PANK2: variants seen among roughly 807,000 people sequenced by gnomAD.
PANK2 encodes pantothenate kinase 2, mitochondrial.
Under a neutral mutation model 43.1 loss-of-function variants are expected in PANK2, and 36 were observed. That is an observed-to-expected ratio of 0.84 (90% CI 0.64 to 1.10). The LOEUF (loss-of-function observed/expected upper bound fraction) is 1.10. PANK2 is among the 50% of genes least tolerant of loss of function. PANK2 has a pLI of 0.00. For synonymous variants in PANK2, 281 were observed against 238.2 expected, an observed-to-expected ratio of 1.18 and a Z score of -1.66; for missense variants, 576 against 593.3, an observed-to-expected ratio of 0.97 and a Z score of 0.30.
rs2090775706 is a variant in PANK2, at chr20:3,928,967, G to C, written c.*5673G>C. 1.3e-5 allele frequency: 2 copies of C among 151,770 alleles called. No individual in the cohort carries two copies. The highest frequency in any genetic ancestry group is 4.8e-5 in the African/African-American group (2 of 41,394). The allele number at this position is 151,770 out of a possible 1,614,324, so 9.4% of individuals were successfully genotyped here. On this transcript the variant is annotated 3_prime_UTR_variant, in exon 7 of 7. Coordinates refer to ENST00000610179, the MANE Select transcript of PANK2 (RefSeq NM_001386393.1). ...GGGTTCAATCAATTCTCCTGTCCCA[G>C]CCTCCTGAGTGGCTGGGATTACAGG...
chr20:3,913,790 ATTT>A (rs57042549), intron 4 of PANK2, among the ~76,000 whole-genome samples: 129 of 138,478 alleles, frequency 9.3e-4, no homozygotes, highest in Admixed American at 2.0e-3. Flanking sequence ...ATATATATAT[ATTT>A]TTTTTTTTTT....
chr20:3,928,778 A>AC lies in PANK2; in HGVS notation c.*5484_*5485insC. 6.9e-6 allele frequency: 1 copy of AC among 145,960 alleles called. No individual in the cohort carries two copies. The highest frequency in any genetic ancestry group is 2.2e-4 in the South Asian group (1 of 4,608). 9.0% of individuals were successfully genotyped at this position (145,960 alleles called of 1,614,324 possible). On this transcript the variant is annotated 3_prime_UTR_variant, in exon 7 of 7. Coordinates refer to ENST00000610179, the MANE Select transcript of PANK2 (RefSeq NM_001386393.1). ...AAAAAAAAAAAAAAAAAAAAAAAAA[A>AC]ATTGTTGGGGTAATTTCTGTTGTCA...
chr20:3,910,681 C>T lies in PANK2; in HGVS notation c.756C>T (p.Tyr252=). Residue 252 remains tyrosine, a synonymous_variant, in exon 3 of 7, where the codon TAC becomes TAT. Transcript: ENST00000610179. ...TCAATGGACGGTCACAGTGCTATTACTTTGAAAACCCTGCTGATTCTGAAA... is the reference window on the plus strand; with the variant it reads ...TCAATGGACGGTCACAGTGCTATTATTTTGAAAACCCTGCTGATTCTGAAA... 6.2e-7 allele frequency: 1 copy of T among 1,614,150 alleles called. No homozygotes were observed.
intron 2 of PANK2, among the ~76,000 whole-genome samples, chr20:3,909,892 G>A (rs1200863818): frequency 3.3e-5 from 5 of 152,110 alleles, no homozygotes; most frequent in East Asian, 1.9e-4. Flanking sequence ...GTGCCCGGCC[G>A]ATCCTCTTCA....
chr20:3,889,136 TTGGGCGGCGCCGCCATCACTCTCTTC>T (rs760822872), upstream of PANK2: 75 of 1,563,938 alleles, frequency 4.8e-5, 1 homozygote, highest in Non-Finnish European at 5.9e-5. Flanking sequence ...CACGCGTCCA[TTGGGCGGCGCCGCCATCACTCTCTTC>T]TGGGCTACAC....
chr20:3,909,871 C>T (rs560186628), intron 2 of PANK2, among the ~76,000 whole-genome samples: 1 of 151,634 alleles, frequency 6.6e-6, no homozygotes, highest in East Asian at 1.9e-4. Flanking sequence ...GGATTATAGG[C>T]GTGAGCCACC....
At position 3,889,681 on chromosome 20, in the gene PANK2, C is replaced by T; in HGVS notation, c.251C>T (p.Thr84Ile). 1.3e-6 allele frequency: 2 copies of T among 1,593,668 alleles called. No individual in the cohort carries two copies. The highest frequency in any genetic ancestry group is 1.7e-6 in the Non-Finnish European group (2 of 1,178,158). The change falls in exon 1 of 7, where the codon ACC becomes ATC. Residue 84 changes from threonine to isoleucine, a missense_variant. Transcript: ENST00000610179. ...CGACTGGGCTCTTACAGCGGCCCCACCTCGGTCTCCCGCCAGCGCGTCGAA... is the reference window on the plus strand; with the variant it reads ...CGACTGGGCTCTTACAGCGGCCCCATCTCGGTCTCCCGCCAGCGCGTCGAA...
chr20:3,918,727 G>A lies in PANK2; in HGVS notation c.1263G>A (p.Met421Ile), dbSNP rs1600571977. ...TCTTGAGAATTAATACGATCGCCAT[G>A]CGGCTTTTGGCATATGCTTTGGATT... is the stretch of plus-strand genomic sequence containing the variant. The change falls in exon 6 of 7, where the codon ATG becomes ATA. Residue 421 changes from methionine (M) to isoleucine (I), a missense_variant. Physicochemically the swap from Met to Ile is conservative, Grantham distance 10. This residue lies in a region of PANK2 where 32 missense variants were observed against 64.3 expected (regional missense o/e 0.50). Coordinates refer to ENST00000610179, the MANE Select transcript of PANK2 (RefSeq NM_001386393.1). The A allele has an allele frequency of 6.2e-7, 1 of 1,614,104 alleles. No homozygotes were observed. Among genetic ancestry groups the A allele is most frequent in the Non-Finnish European group, 8.5e-7 (1 of 1,180,046 alleles).
At chr20:3,893,426 A>G (rs1371550709) in intron 1 of PANK2, among the ~76,000 whole-genome samples, 1 of 152,142 alleles carries the variant, frequency 6.6e-6, no homozygotes, top group African/African-American at 2.4e-5. Flanking sequence ...ATAGAGTAAA[A>G]TGTACAATTT....
chr20:3,928,044 G>C lies in PANK2; in HGVS notation c.*4750G>C, dbSNP rs1250901512. On this transcript the variant is annotated 3_prime_UTR_variant, in exon 7 of 7. Transcript: ENST00000610179. ...CACTCAAATGGAAGCACACTCCCCAGCACATGGGGATCCCTTATTAATCTT... is the reference window on the plus strand; with the variant it reads ...CACTCAAATGGAAGCACACTCCCCACCACATGGGGATCCCTTATTAATCTT... 1 of 152,106 alleles carries C rather than the reference G, an allele frequency of 6.6e-6. No individual in the cohort carries two copies. Among genetic ancestry groups the C allele is most frequent in the African/African-American group, 2.4e-5 (1 of 41,414 alleles). 9.4% of individuals were successfully genotyped at this position (152,106 alleles called of 1,614,324 possible). A position where few individuals can be genotyped will look rare whatever the true frequency, so the allele number is the denominator to read the frequency against.
intron 6 of PANK2, among the ~76,000 whole-genome samples, chr20:3,920,049 T>C (rs889015819): frequency 2.0e-5 from 3 of 152,226 alleles, no homozygotes; most frequent in Non-Finnish European, 4.4e-5. Context: ...TTAAGTTTCT[T>C]ACAGTTCATG....
At chr20:3,912,835 A>C (rs568422959) in intron 4 of PANK2, among the ~76,000 whole-genome samples, 1 of 144,978 alleles carries the variant, frequency 6.9e-6, no homozygotes, top group Non-Finnish European at 1.5e-5. Flanking sequence ...CTGTAGACCC[A>C]GGTACTTGGG....
At chr20:3,900,477 A>G (rs1253531283) in intron 1 of PANK2, among the ~76,000 whole-genome samples, 7 of 151,940 alleles carry the variant, frequency 4.6e-5, no homozygotes, top group African/African-American at 1.4e-4. Flanking sequence ...AGTGCTTAAC[A>G]TTTTTATAAT....
intron 1 of PANK2, among the ~76,000 whole-genome samples, chr20:3,900,507 A>C (rs1198351083): frequency 1.3e-5 from 2 of 151,860 alleles, no homozygotes; most frequent in Non-Finnish European, 2.9e-5. Context: ...TTTTGACTAA[A>C]TGCCATTTTC....
chr20:3,897,396 C>G (rs2090226700), intron 1 of PANK2, among the ~76,000 whole-genome samples: 1 of 152,114 alleles, frequency 6.6e-6, no homozygotes, highest in African/African-American at 2.4e-5. Context: ...AAGGCAGGGG[C>G]CTTCTCTTAT....
In PANK2 at chr20:3,926,337, G is replaced by C. The variant is rs2090719201; in HGVS notation, c.*3043G>C. On this transcript the variant is annotated 3_prime_UTR_variant, in exon 7 of 7. Coordinates refer to ENST00000610179, the MANE Select transcript of PANK2 (RefSeq NM_001386393.1). ...GAGCAGTGACGGAGGAAGCTGCAAA[G>C]AAAACGACTGCTCAGGGAGAGGCTG... is the stretch of plus-strand genomic sequence containing the variant. The C allele has an allele frequency of 6.6e-6, 1 of 152,452 alleles. No individual in the cohort carries two copies. The highest frequency in any genetic ancestry group is 2.4e-5 in the African/African-American group (1 of 41,564). The allele number at this position is 152,452 out of a possible 1,614,324, so 9.4% of individuals were successfully genotyped here.
intron 1 of PANK2, among the ~76,000 whole-genome samples, chr20:3,894,480 T>C: frequency 6.6e-6 from 1 of 152,104 alleles, no homozygotes; most frequent in African/African-American, 2.4e-5. Flanking sequence ...CCTCCGGTGA[T>C]CTGCCCACCT....
intron 1 of PANK2, among the ~76,000 whole-genome samples, chr20:3,893,936 T>G (rs1402550976): frequency 4.8e-4 from 71 of 148,520 alleles, no homozygotes; most frequent in Middle Eastern, 6.8e-3. Flanking sequence ...TTTTTGTTTT[T>G]TTTTTTTTTT....
At position 3,905,350 on chromosome 20, in the gene PANK2, C is replaced by CTT. The variant is rs34914526; in HGVS notation, c.299-2559_299-2558dup. On this transcript the variant is annotated intron_variant, in intron 1 of 6. Coordinates refer to ENST00000610179, the MANE Select transcript of PANK2 (RefSeq NM_001386393.1). ...AAACCTAGTTCTGCTGCTGCTATCT[C>CTT]TTTTTTTTTTTTTTTTTTGAGACGG... Among the ~76,000 whole-genome samples the CTT allele has an allele frequency of 4.2e-3, 570 of 134,370 alleles. 14 individuals carry two copies. Among genetic ancestry groups the CTT allele is most frequent in the African/African-American group, 0.014 (489 of 35,826 alleles). 88.2% of individuals were successfully genotyped at this position (134,370 alleles called of 152,430 possible). A position where few individuals can be genotyped will look rare whatever the true frequency, so the allele number is the denominator to read the frequency against.
Sources: gnomAD v4.1 joint callset for allele counts (sites outside exome capture counted in the v4.1 genomes callset) on GRCh38, gnomAD v4.1.1 for gene constraint, gnomAD v4.1.1 regional missense constraint, MANE v1.5 for transcripts, NCBI Gene and HGNC (gene_info 2026-07-23, HGNC 2026-07-21) for gene names.